The following MEIOB variants were observed in gnomAD, a reference collection of about 807,000 sequenced individuals.
The protein encoded by MEIOB is meiosis specific with OB-fold, also known as meiosis-specific with OB domain-containing protein.
In MEIOB, 50 loss-of-function variants were observed where a neutral mutation model predicts 53.1. The observed-to-expected ratio is 0.94, with a 90% CI of 0.75 to 1.19. The LOEUF is 1.19. MEIOB is among the 50% of genes most tolerant of loss of function. The pLI is 0.00. For missense variants in MEIOB, 551 were observed against 550.8 expected (o/e 1.00, Z 0.00); for synonymous variants, 192 against 182.5 (o/e 1.05, Z -0.42).
intron 1 of MEIOB, among the ~76,000 whole-genome samples, chr16:1,871,031 T>G (rs1306657160): frequency 6.6e-6 from 1 of 152,062 alleles, no homozygotes; most frequent in African/African-American, 2.4e-5. Context: ...TCTCTCTGAA[T>G]TCCCTTATTT....
intron 5 of MEIOB, 64 bp from the exon 6 acceptor site, chr16:1,857,994 G>T: frequency 9.4e-7 from 1 of 1,061,902 alleles, no homozygotes; most frequent in Non-Finnish European, 1.3e-6. Flanking sequence ...ATATTTCCAG[G>T]TCCACATTTA....
intron 12 of MEIOB, chr16:1,838,190 G>C: frequency 2.1e-6 from 1 of 474,404 alleles, no homozygotes; most frequent in Non-Finnish European, 3.7e-6. Context: ...TGTAGAGACA[G>C]GGTCTCACTA....
rs114603377 is a variant in MEIOB, at chr16:1,861,750, G to C, written c.259+235C>G. ...GGGTCTTGCCATGTTGCTCAGGCTG[G>C]TCTCGAACTCCTGAACTCACGCAAT... On this transcript the variant is annotated intron_variant, in intron 4 of 13. Coordinates refer to ENST00000325962, the MANE Select transcript of MEIOB (RefSeq NM_001163560.3). 8.2e-3 allele frequency among the ~76,000 whole-genome samples: 1,239 copies of C among 151,958 alleles called. 18 individuals carry two copies. Among genetic ancestry groups the C allele is most frequent in the South Asian group, 0.054 (262 of 4,820 alleles).
chr16:1,835,137 C>G (rs1441643413), intron 13 of MEIOB, among the ~76,000 whole-genome samples: 1 of 152,010 alleles, frequency 6.6e-6, no homozygotes, highest in Non-Finnish European at 1.5e-5. Context: ...CACCTGTGGT[C>G]CCAGCTACTC....
At chr16:1,838,485 A>G (rs62038408) in intron 12 of MEIOB, among the ~76,000 whole-genome samples, 27,082 of 152,180 alleles carry the variant, frequency 0.18, 2,572 homozygotes, top group South Asian at 0.27. Flanking sequence ...CTATTGCCAA[A>G]TGCACATGCT....
At chr16:1,863,097 C>G (rs942399420) in intron 3 of MEIOB, among the ~76,000 whole-genome samples, 1 of 151,886 alleles carries the variant, frequency 6.6e-6, no homozygotes, top group African/African-American at 2.4e-5. Flanking sequence ...TGGCACTCAT[C>G]TTTAGTCTCA....
At chr16:1,834,922 C>G (rs919046568) in intron 13 of MEIOB, among the ~76,000 whole-genome samples, 1 of 147,284 alleles carries the variant, frequency 6.8e-6, no homozygotes, top group Non-Finnish European at 1.5e-5. Flanking sequence ...GCAACTAGAG[C>G]GAAACTCTGT....
Position 1,868,215 on chromosome 16 carries a change from T to C in MEIOB, c.-9-31A>G, listed in dbSNP as rs915739338. On this transcript the variant is annotated intron_variant, in intron 1 of 13. Transcript: ENST00000325962. ...TTTTAGAAAATATAATTTAGATATA[T>C]AAATTGAATAAATGAAATAAATCAT... 4.6e-6 allele frequency: 5 copies of C among 1,095,884 alleles called. No individual in the cohort carries two copies. The African/African-American group carries it at 6.3e-5, about 14-fold the overall frequency. 67.9% of individuals were successfully genotyped at this position (1,095,884 alleles called of 1,614,324 possible). A position where few individuals can be genotyped will look rare whatever the true frequency, so the allele number is the denominator to read the frequency against.
chr16:1,839,199 G>C (rs773986058), intron 12 of MEIOB, 56 bp downstream of exon 12: 7 of 1,464,854 alleles, frequency 4.8e-6, no homozygotes, highest in Non-Finnish European at 6.3e-6. Context: ...TATTTTTTTG[G>C]GAAAAAGCAT....
In MEIOB at chr16:1,834,132, T is replaced by G. The variant is rs750259111; in HGVS notation, c.*124A>C. 2 of 613,974 alleles carry G rather than the reference T, an allele frequency of 3.3e-6. No individual in the cohort carries two copies. Among genetic ancestry groups the G allele is most frequent in the Non-Finnish European group, 5.8e-6 (2 of 347,582 alleles). The allele number at this position is 613,974 out of a possible 1,614,324, so 38.0% of individuals were successfully genotyped here. On this transcript the variant is annotated 3_prime_UTR_variant, in exon 14 of 14. Coordinates refer to ENST00000325962, the MANE Select transcript of MEIOB (RefSeq NM_001163560.3). Reference sequence around the variant, plus strand: ...CCAGACCACCTCCACCATAACAATTTCTAGAAACATGTTCACCACATGTAA... The same window carrying G: ...CCAGACCACCTCCACCATAACAATTGCTAGAAACATGTTCACCACATGTAA...
intron 1 of MEIOB, among the ~76,000 whole-genome samples, chr16:1,871,289 G>A (rs1596990043): frequency 2.7e-5 from 4 of 146,678 alleles, no homozygotes; most frequent in South Asian, 4.5e-4. Flanking sequence ...GCGCAATCTC[G>A]GCTCACTACA....
chr16:1,847,618 G>A (rs1183844280), intron 9 of MEIOB, among the ~76,000 whole-genome samples: 2 of 151,488 alleles, frequency 1.3e-5, no homozygotes, highest in Non-Finnish European at 2.9e-5. Flanking sequence ...GGGAGGGGAG[G>A]GGAGAAAGAA....
intron 6 of MEIOB, among the ~76,000 whole-genome samples, chr16:1,855,478 G>C (rs1050166351): frequency 5.3e-5 from 8 of 152,064 alleles, no homozygotes; most frequent in Non-Finnish European, 1.0e-4. Context: ...AAATGTAAGA[G>C]GGCTGAAAGC....
At position 1,839,452 on chromosome 16, in the gene MEIOB, A is replaced by C; in HGVS notation, c.1035-14T>G. 1 of 1,597,546 alleles carries C rather than the reference A, an allele frequency of 6.3e-7. No individual in the cohort carries two copies. Among genetic ancestry groups the C allele is most frequent in the East Asian group, 2.2e-5 (1 of 44,746 alleles). On this transcript the variant is annotated splice_polypyrimidine_tract_variant and intron_variant, in intron 11 of 13. Coordinates refer to ENST00000325962, the MANE Select transcript of MEIOB (RefSeq NM_001163560.3). ...CCACAGCTGGAACTGAAAAGAAACA[A>C]AGACAATGATAAAATGTGATGCCCT...
At chr16:1,865,895 A>G (rs1899582990) in intron 2 of MEIOB, 60 bp from the exon 3 acceptor site, 1 of 1,152,674 alleles carries the variant, frequency 8.7e-7, no homozygotes, top group Non-Finnish European at 1.2e-6. Flanking sequence ...TGATAAATTT[A>G]ATTTCATGGG....
chr16:1,853,311 C>G (rs774466025), intron 7 of MEIOB, 40 bp from the exon 8 acceptor site: 3 of 1,363,592 alleles, frequency 2.2e-6, no homozygotes, highest in Non-Finnish European at 3.1e-6. Context: ...ATTGAATACA[C>G]TAGAAAAAAC....
At chr16:1,848,945 C>A (rs1391246261) in intron 9 of MEIOB, among the ~76,000 whole-genome samples, 1 of 152,174 alleles carries the variant, frequency 6.6e-6, no homozygotes, top group African/African-American at 2.4e-5. Flanking sequence ...AATAGCACTT[C>A]TCAGGGGAGA....
At chr16:1,868,290 C>A in intron 1 of MEIOB, 106 bp from the exon 2 acceptor site, 1 of 582,538 alleles carries the variant, frequency 1.7e-6, no homozygotes. Flanking sequence ...GACATGGTGG[C>A]TCATACCTGT....
At chr16:1,855,852 C>A (rs910223725) in intron 6 of MEIOB, among the ~76,000 whole-genome samples, 1 of 152,004 alleles carries the variant, frequency 6.6e-6, no homozygotes, top group South Asian at 2.1e-4. Flanking sequence ...GAAAGGGTCA[C>A]GTTCTCTCAG....
Sources: gnomAD v4.1 joint callset for allele counts (sites outside exome capture counted in the v4.1 genomes callset) on GRCh38, gnomAD v4.1.1 for gene constraint, MANE v1.5 for transcripts, NCBI Gene and HGNC (gene_info 2026-07-23, HGNC 2026-07-21) for gene names.